SLC9A8: variants seen among roughly 807,000 people sequenced by gnomAD.
SLC9A8 encodes sodium/hydrogen exchanger 8.
SLC9A8 carries 48 observed loss-of-function variants against 66.6 expected under a neutral mutation model. The ratio of observed to expected loss-of-function variants is 0.72; its 90% CI spans 0.57 to 0.92. SLC9A8 has a LOEUF of 0.92. SLC9A8 is among the 40% of genes least tolerant of loss of function. The pLI is 0.00. For synonymous variants in SLC9A8, 274 were observed against 282.6 expected (o/e 0.97, Z 0.31); for missense variants, 599 against 747.3 (o/e 0.80, Z 2.31).
intron 8 of SLC9A8, among the ~76,000 whole-genome samples, chr20:49,860,130 TG>T (rs2088673792): frequency 6.6e-6 from 1 of 152,174 alleles, no homozygotes; most frequent in East Asian, 1.9e-4. Context: ...GATCCATTTT[TG>T]GGAACTATGG....
At chr20:49,830,599 A>G in intron 3 of SLC9A8, 1 of 611,600 alleles carries the variant, frequency 1.6e-6, no homozygotes, top group East Asian at 2.9e-5. Context: ...TCAGGGAATC[A>G]GCAGCTTTCT....
At chr20:49,834,413 ATATAC>A in intron 3 of SLC9A8, among the ~76,000 whole-genome samples, 1 of 44,602 alleles carries the variant, frequency 2.2e-5, no homozygotes, top group Non-Finnish European at 4.4e-5. Flanking sequence ...GTGTATATAT[ATATAC>A]TGTATATATA....
intron 8 of SLC9A8, among the ~76,000 whole-genome samples, chr20:49,859,482 C>CT (rs3092482): frequency 6.1e-4 from 88 of 143,648 alleles, no homozygotes; most frequent in East Asian, 1.4e-3. Context: ...CCCCCTCCAC[C>CT]TTTTTTTTTT....
intron 10 of SLC9A8, among the ~76,000 whole-genome samples, chr20:49,871,358 G>A (rs1330015030): frequency 6.6e-6 from 1 of 152,188 alleles, no homozygotes; most frequent in African/African-American, 2.4e-5. Flanking sequence ...ACCATAAACA[G>A]AAGTGGATTT....
intron 8 of SLC9A8, among the ~76,000 whole-genome samples, chr20:49,858,904 G>C (rs902790725): frequency 2.0e-5 from 3 of 151,262 alleles, no homozygotes; most frequent in Non-Finnish European, 4.4e-5. Flanking sequence ...GTTGTAGTGA[G>C]CCGAGATCGC....
In SLC9A8 at chr20:49,845,329, T is replaced by C. The variant is rs1432800768; in HGVS notation, c.432+210T>C. Among the ~76,000 whole-genome samples, 6 of 152,230 alleles carry C rather than the reference T, an allele frequency of 3.9e-5. No homozygotes were observed. In the East Asian group the frequency reaches 1.2e-3, roughly 29 times the overall value. ...TGGCTGCTTTAATGGTTTCAGGCAG[T>C]ATGGCTCACTGAGCCAGTGTTTGCC... On this transcript the variant is annotated intron_variant, in intron 5 of 15. Transcript: ENST00000361573.
At position 49,890,872 on chromosome 20, in the gene SLC9A8, G is replaced by A. The variant is rs1306521398; in HGVS notation, c.*2936G>A. 1.3e-5 allele frequency: 2 copies of A among 152,306 alleles called. No homozygotes were observed. Among genetic ancestry groups the A allele is most frequent in the Non-Finnish European group, 2.9e-5 (2 of 68,082 alleles). The allele number at this position is 152,306 out of a possible 1,614,324, so 9.4% of individuals were successfully genotyped here. On this transcript the variant is annotated 3_prime_UTR_variant, in exon 16 of 16. Transcript: ENST00000361573. ...GCATGAGGCCAAGGGGTAGGCCTGA[G>A]CGCCAGAGTCGCCCAGGTTAGCCCA...
intron 3 of SLC9A8, among the ~76,000 whole-genome samples, chr20:49,827,153 G>T (rs1248102121): frequency 6.6e-6 from 1 of 151,418 alleles, no homozygotes; most frequent in Non-Finnish European, 1.5e-5. Flanking sequence ...TGTCGGCCAG[G>T]CTGGTCTCGA....
At chr20:49,860,045 C>T (rs2088671097) in intron 8 of SLC9A8, among the ~76,000 whole-genome samples, 1 of 152,188 alleles carries the variant, frequency 6.6e-6, no homozygotes, top group South Asian at 2.1e-4. Flanking sequence ...GTATAAAAAG[C>T]AGTGAAACCA....
Position 49,855,460 on chromosome 20 carries a change from T to C in SLC9A8, c.592T>C (p.Ser198Pro). 1 of 1,614,218 alleles carries C rather than the reference T, an allele frequency of 6.2e-7. No individual in the cohort carries two copies. Among genetic ancestry groups the C allele is most frequent in the African/African-American group, 1.3e-5 (1 of 75,068 alleles). Reference sequence around the variant, plus strand: ...CAGTTTTGCGTTTGGCTCCCTAATATCTGCTGTCGATCCAGTGGCCACTAT... The same window carrying C: ...CAGTTTTGCGTTTGGCTCCCTAATACCTGCTGTCGATCCAGTGGCCACTAT... ...TDSFAFGSLISAVDPVATIAI... is the reference protein window; with the variant it reads ...TDSFAFGSLIPAVDPVATIAI... Residue 198 changes from serine (S) to proline (P), a missense_variant, in exon 8 of 16, where the codon TCT becomes CCT. By Grantham distance (74) the Ser-to-Pro change is moderately conservative. This residue lies in a region of SLC9A8 where 467 missense variants were observed against 626.5 expected (regional missense o/e 0.75). Coordinates refer to ENST00000361573, the MANE Select transcript of SLC9A8 (RefSeq NM_015266.3).
At chr20:49,880,656 A>G (rs1176456790) in intron 12 of SLC9A8, among the ~76,000 whole-genome samples, 1 of 152,158 alleles carries the variant, frequency 6.6e-6, no homozygotes, top group Admixed American at 6.5e-5. Context: ...GCCCTTCCTG[A>G]TACCTCGTCC....
rs1555833700 is a variant in SLC9A8 at position 49,839,615 on chromosome 20, G to C, written c.348+16G>C. 6.4e-7 allele frequency: 1 copy of C among 1,570,666 alleles called. No individual in the cohort carries two copies. The highest frequency in any genetic ancestry group is 1.1e-5 in the South Asian group (1 of 87,644). On this transcript the variant is annotated intron_variant, in intron 4 of 15. Transcript: ENST00000361573. Reference sequence around the variant, plus strand: ...GAATTGGAAGGTAGGTTTGCCCTTTGGTTGTTCTTAATTTTAGTAACATTG... The same window carrying C: ...GAATTGGAAGGTAGGTTTGCCCTTTCGTTGTTCTTAATTTTAGTAACATTG...
intron 3 of SLC9A8, chr20:49,830,422 A>G (rs1316300547): frequency 1.2e-6 from 1 of 836,012 alleles, no homozygotes; most frequent in East Asian, 2.5e-5. Flanking sequence ...CGTGTGTTGG[A>G]TCCCAAGGCG....
intron 1 of SLC9A8, among the ~76,000 whole-genome samples, 173 bp downstream of exon 1, chr20:49,813,121 G>A (rs2086416492): frequency 6.6e-6 from 1 of 152,258 alleles, no homozygotes; most frequent in South Asian, 2.1e-4. Flanking sequence ...CCTGGGCCCA[G>A]GTGGGCCTTG....
intron 4 of SLC9A8, among the ~76,000 whole-genome samples, chr20:49,844,673 AC>A (rs1336267062): frequency 6.7e-6 from 1 of 150,118 alleles, no homozygotes; most frequent in Non-Finnish European, 1.5e-5. Context: ...GGTAGCACGC[AC>A]ATGTAGTCCC....
At chr20:49,852,711 C>G (rs751829769) in intron 7 of SLC9A8, among the ~76,000 whole-genome samples, 43 of 152,198 alleles carry the variant, frequency 2.8e-4, no homozygotes, top group Non-Finnish European at 4.4e-4. Context: ...TCTTTCCATA[C>G]AGACCTCTCA....
intron 5 of SLC9A8, among the ~76,000 whole-genome samples, chr20:49,847,907 G>GTTT (rs3091810): frequency 0.032 from 3,734 of 115,094 alleles, 261 homozygotes; most frequent in African/African-American, 0.061. Context: ...TGATTAATCT[G>GTTT]TTTTTTTTTT....
At chr20:49,835,038 C>T (rs1241005761) in intron 3 of SLC9A8, among the ~76,000 whole-genome samples, 2 of 152,152 alleles carry the variant, frequency 1.3e-5, no homozygotes, top group Non-Finnish European at 2.9e-5. Context: ...TTATCCAGCG[C>T]GACTGAGGAT....
chr20:49,855,679 G>A, intron 8 of SLC9A8, 98 bp downstream of exon 8: 1 of 1,182,220 alleles, frequency 8.5e-7, no homozygotes, highest in Non-Finnish European at 1.2e-6. Flanking sequence ...GTGTACAGTT[G>A]CTTGTCCTCT....
Sources: allele counts gnomAD v4.1 joint callset (sites outside exome capture counted in the v4.1 genomes callset), GRCh38; gene constraint gnomAD v4.1.1; regional missense constraint gnomAD v4.1.1; transcripts MANE v1.5; gene names NCBI Gene and HGNC (gene_info 2026-07-23, HGNC 2026-07-21).